The following TRIM71 variants were observed in gnomAD, a reference collection of about 807,000 sequenced individuals.
TRIM71 encodes the protein E3 ubiquitin-protein ligase TRIM71.
A neutral mutation model predicts 61.2 loss-of-function variants in TRIM71; 9 were observed. That is an observed-to-expected ratio of 0.15 (90% CI 0.09 to 0.26). The LOEUF is 0.26. Among genes scored for constraint, TRIM71 ranks in the 10% least tolerant of loss-of-function variants. TRIM71 has a pLI of 1.00. For synonymous variants in TRIM71, 645 were observed against 553.2 expected (o/e 1.17, Z -2.33); for missense variants, 998 against 1,238.7 (o/e 0.81, Z 2.92).
intron 1 of TRIM71, among the ~76,000 whole-genome samples, chr3:32,826,682 A>G (rs1191691086): frequency 6.9e-6 from 1 of 145,716 alleles, no homozygotes; most frequent in African/African-American, 2.6e-5. Flanking sequence ...CTGACCTCAA[A>G]TGGTCCACCC....
At position 32,892,175 on chromosome 3, in the gene TRIM71, C is replaced by T. The variant is rs561838556; in HGVS notation, c.*364C>T. On this transcript the variant is annotated 3_prime_UTR_variant, in exon 4 of 4. Coordinates refer to ENST00000383763, the MANE Select transcript of TRIM71 (RefSeq NM_001039111.3). Reference sequence around the variant, plus strand: ...GGCATGATATGCACAAGCCTGGCATCTGTATGGCTGGGAGGGCACTGGATG... The same window carrying T: ...GGCATGATATGCACAAGCCTGGCATTTGTATGGCTGGGAGGGCACTGGATG... The T allele has an allele frequency of 4.9e-6, 1 of 203,364 alleles. No homozygotes were observed. Among genetic ancestry groups the T allele is most frequent in the South Asian group, 9.1e-5 (1 of 10,976 alleles). The allele number at this position is 203,364 out of a possible 1,614,324, so 12.6% of individuals were successfully genotyped here. A position where few individuals can be genotyped will look rare whatever the true frequency, so the allele number is the denominator to read the frequency against.
intron 1 of TRIM71, among the ~76,000 whole-genome samples, chr3:32,855,681 G>A (rs1353138213): frequency 6.6e-6 from 1 of 152,132 alleles, no homozygotes; most frequent in Admixed American, 6.5e-5. Context: ...TGGTGGTTTT[G>A]GGGAGCACAG....
chr3:32,864,571 G>A (rs114161785), intron 1 of TRIM71, among the ~76,000 whole-genome samples: 4 of 152,352 alleles, frequency 2.6e-5, no homozygotes, highest in African/African-American at 9.6e-5. Flanking sequence ...TGTGGAGGAC[G>A]TGTTGTTTAT....
At chr3:32,879,468 T>G (rs1283295234) in intron 2 of TRIM71, among the ~76,000 whole-genome samples, 2 of 152,144 alleles carry the variant, frequency 1.3e-5, no homozygotes, top group Non-Finnish European at 2.9e-5. Flanking sequence ...ACTTGAACAC[T>G]TAGAGGCCAT....
chr3:32,818,591 C>T lies in TRIM71; in HGVS notation c.511C>T (p.Pro171Ser), dbSNP rs1197806935. The change falls in exon 1 of 4, where the codon CCG becomes TCG. Residue 171 changes from proline to serine, a missense_variant. This residue lies in a region of TRIM71 where 527 missense variants were observed against 427.8 expected (regional missense o/e 1.23). Coordinates refer to ENST00000383763, the MANE Select transcript of TRIM71 (RefSeq NM_001039111.3). Reference sequence around the variant, plus strand: ...CTCCGCGCCGCCACTCCCGCAGGCGCCGCAGCCGCCCGCGCCTTCCCGCTC... The same window carrying T: ...CTCCGCGCCGCCACTCCCGCAGGCGTCGCAGCCGCCCGCGCCTTCCCGCTC... Reference protein sequence around the residue: ...SASAPPLPQAPQPPAPSRSAP... With the variant: ...SASAPPLPQASQPPAPSRSAP... 2 of 1,322,348 alleles carry T rather than the reference C, an allele frequency of 1.5e-6. No homozygotes were observed. Among genetic ancestry groups the T allele is most frequent in the Non-Finnish European group, 1.9e-6 (2 of 1,044,632 alleles). The allele number at this position is 1,322,348 out of a possible 1,614,324, so 81.9% of individuals were successfully genotyped here.
chr3:32,832,101 G>T (rs900159016), intron 1 of TRIM71, among the ~76,000 whole-genome samples: 1 of 148,090 alleles, frequency 6.8e-6, no homozygotes, highest in Non-Finnish European at 1.5e-5. Context: ...GAATTGTGGT[G>T]GGGGGGGATT....
chr3:32,846,707 A>G (rs927814028), intron 1 of TRIM71, among the ~76,000 whole-genome samples: 2 of 127,946 alleles, frequency 1.6e-5, no homozygotes, highest in Non-Finnish European at 3.1e-5. Context: ...TCTACTCTCT[A>G]CTTCTACTCT....
At chr3:32,825,419 G>A (rs1696189599) in intron 1 of TRIM71, among the ~76,000 whole-genome samples, 1 of 152,056 alleles carries the variant, frequency 6.6e-6, no homozygotes. Flanking sequence ...CCCCCTCTGA[G>A]TTATTTCTGG....
At chr3:32,833,047 A>C (rs1283999907) in intron 1 of TRIM71, among the ~76,000 whole-genome samples, 1 of 151,594 alleles carries the variant, frequency 6.6e-6, no homozygotes, top group African/African-American at 2.4e-5. Context: ...TAGTGTTACG[A>C]ACCTGTCATC....
At position 32,860,801 on chromosome 3, in the gene TRIM71, A is replaced by G. The variant is rs139001392; in HGVS notation, c.853-13017A>G. 2.0e-5 allele frequency among the ~76,000 whole-genome samples: 3 copies of G among 152,260 alleles called. No individual in the cohort carries two copies. In the East Asian group the frequency reaches 5.8e-4, roughly 30 times the overall value. ...GTGGCTGGCCTGTTGCCCCTTTGAC[A>G]TTTGTAGAGGTGTCTGCAGGGTAGG... On this transcript the variant is annotated intron_variant, in intron 1 of 3. Transcript: ENST00000383763.
intron 1 of TRIM71, among the ~76,000 whole-genome samples, chr3:32,841,618 A>C (rs571819450): frequency 6.6e-6 from 1 of 152,042 alleles, no homozygotes; most frequent in African/African-American, 2.4e-5. Context: ...CCCACCGCCA[A>C]CCCCCACCCC....
intron 2 of TRIM71, among the ~76,000 whole-genome samples, chr3:32,884,344 G>GA (rs1696938053): frequency 6.6e-6 from 1 of 152,102 alleles, no homozygotes; most frequent in South Asian, 2.1e-4. Flanking sequence ...TGTTGGGCAG[G>GA]AAGAATATTC....
At chr3:32,878,547 G>A (rs1254040742) in intron 2 of TRIM71, among the ~76,000 whole-genome samples, 1 of 152,102 alleles carries the variant, frequency 6.6e-6, no homozygotes, top group African/African-American at 2.4e-5. Flanking sequence ...CCCAAGAGGC[G>A]GAGGTTGCAG....
chr3:32,858,639 T>A (rs1696632689), intron 1 of TRIM71, among the ~76,000 whole-genome samples: 1 of 152,100 alleles, frequency 6.6e-6, no homozygotes, highest in African/African-American at 2.4e-5. Flanking sequence ...TGCAGTGGGA[T>A]GAGTATTGTG....
intron 1 of TRIM71, among the ~76,000 whole-genome samples, chr3:32,828,005 T>G (rs1328598257): frequency 6.6e-6 from 1 of 152,194 alleles, no homozygotes; most frequent in African/African-American, 2.4e-5. Context: ...AAATCTGCAC[T>G]TAAGTTTTGC....
In TRIM71 at chr3:32,818,513, G is replaced by A. The variant is rs912472522; in HGVS notation, c.433G>A (p.Gly145Ser). Residue 145 changes from glycine (G) to serine (S), a missense_variant, in exon 1 of 4, where the codon GGC (glycine) becomes AGC (serine). Gly to Ser is a moderately conservative substitution (Grantham distance 56, BLOSUM62 0). Around this residue, in one of 5 missense-constraint regions of TRIM71, gnomAD observed 527 missense variants for 427.8 expected, o/e 1.23. Coordinates refer to ENST00000383763, the MANE Select transcript of TRIM71 (RefSeq NM_001039111.3). ...CGCCGGCGCTCCGGCGGGAGCGGGC[G>A]GCCACAGCAACCACCGGCACCACGC... ...GRAGAPAGAG[G>S]HSNHRHHAHH... 1 of 1,416,018 alleles carries A rather than the reference G, an allele frequency of 7.1e-7. No individual in the cohort carries two copies. 87.7% of individuals were successfully genotyped at this position (1,416,018 alleles called of 1,614,324 possible).
intron 1 of TRIM71, among the ~76,000 whole-genome samples, chr3:32,862,685 AAT>A (rs1379226385): frequency 6.6e-6 from 1 of 152,242 alleles, no homozygotes; most frequent in Non-Finnish European, 1.5e-5. Flanking sequence ...CCAGTTTAAA[AAT>A]ATATAATTTA....
At position 32,896,417 on chromosome 3, in the gene TRIM71, T is replaced by G. The variant is rs1697078443; in HGVS notation, c.*4606T>G. ...CTCTTTTGTTTTGTTTTTATTTTTT[T>G]CTACCAAAGGTAACATGTTGACGGG... On this transcript the variant is annotated 3_prime_UTR_variant, in exon 4 of 4. Transcript: ENST00000383763. 6.6e-6 allele frequency: 1 copy of G among 152,188 alleles called. No homozygotes were observed. The highest frequency in any genetic ancestry group is 3.2e-3 in the Middle Eastern group (1 of 316). The allele number at this position is 152,188 out of a possible 1,614,324, so 9.4% of individuals were successfully genotyped here. A position where few individuals can be genotyped will look rare whatever the true frequency, so the allele number is the denominator to read the frequency against.
intron 1 of TRIM71, among the ~76,000 whole-genome samples, chr3:32,833,760 A>G (rs1009476658): frequency 1.3e-5 from 2 of 151,998 alleles, no homozygotes; most frequent in East Asian, 1.9e-4. Context: ...TTTCTGCAAT[A>G]TGCCCTGTTT....
Sources: allele counts gnomAD v4.1 joint callset (sites outside exome capture counted in the v4.1 genomes callset), GRCh38; gene constraint gnomAD v4.1.1; regional missense constraint gnomAD v4.1.1; transcripts MANE v1.5; gene names NCBI Gene and HGNC (gene_info 2026-07-23, HGNC 2026-07-21).